GLB1: variants seen among roughly 807,000 people sequenced by gnomAD.
GLB1 encodes the protein beta-galactosidase.
GLB1 carries 56 observed loss-of-function variants against 74.0 expected under a neutral mutation model. That is an observed-to-expected ratio of 0.76 (90% CI 0.61 to 0.94). GLB1 has a LOEUF of 0.94. Among genes scored for constraint, GLB1 ranks in the 40% least tolerant of loss-of-function variants. The pLI is 0.00. For synonymous variants in GLB1, 323 were observed against 323.6 expected (o/e 1.00, Z 0.02); for missense variants, 787 against 845.5 (o/e 0.93, Z 0.86).
chr3:33,078,144 T>C (rs924605191), intron 1 of GLB1, among the ~76,000 whole-genome samples: 1 of 152,170 alleles, frequency 6.6e-6, no homozygotes, highest in African/African-American at 2.4e-5. Context: ...CTCAGGAGGC[T>C]GAGGCAGGAA....
At chr3:33,012,530 G>T (rs1335220716) in intron 15 of GLB1, among the ~76,000 whole-genome samples, 1 of 152,184 alleles carries the variant, frequency 6.6e-6, no homozygotes, top group Non-Finnish European at 1.5e-5. Context: ...ATCTACTGGT[G>T]CCCTGATATT....
the GLB1 span, among the ~76,000 whole-genome samples, chr3:32,971,879 A>G: frequency 3.9e-3 from 591 of 152,308 alleles, 6 homozygotes; most frequent in African/African-American, 0.013. Flanking sequence ...ACACGGGCAT[A>G]TCGGCAACTG....
At chr3:33,009,126 T>A (rs201643645) in intron 15 of GLB1, among the ~76,000 whole-genome samples, 9 of 122,354 alleles carry the variant, frequency 7.4e-5, no homozygotes, top group South Asian at 3.4e-4. Flanking sequence ...TCTTAAAAAA[T>A]AAATAAATAA....
At chr3:33,042,294 A>T (rs1390587127) in intron 10 of GLB1, among the ~76,000 whole-genome samples, 1 of 151,540 alleles carries the variant, frequency 6.6e-6, no homozygotes, top group Non-Finnish European at 1.5e-5. Context: ...TCAGAGTAAA[A>T]GCCAAAGTCT....
In GLB1 at chr3:33,051,908, G is replaced by A. The variant is rs1699009386; in HGVS notation, c.889C>T (p.Leu297Phe). 6.2e-7 allele frequency: 1 copy of A among 1,614,120 alleles called. No homozygotes were observed. The highest frequency in any genetic ancestry group is 8.5e-7 in the Non-Finnish European group (1 of 1,180,050). The change falls in exon 8 of 16, where the codon CTT (leucine) becomes TTT (phenylalanine). Residue 297 changes from leucine to phenylalanine, a missense_variant. By Grantham distance (22) the Leu-to-Phe change is conservative. Coordinates refer to ENST00000307363, the MANE Select transcript of GLB1 (RefSeq NM_000404.4). ...EAVASSLYDILARGASVNLYM... is the reference protein window; with the variant it reads ...EAVASSLYDIFARGASVNLYM... ...AAGTTCACACTCGCCCCACGGGCAA[G>A]TATATCATAGAGGGAGGAAGCCACT...
chr3:33,038,329 T>C (rs1277803307), intron 10 of GLB1, among the ~76,000 whole-genome samples: 3 of 152,238 alleles, frequency 2.0e-5, no homozygotes, highest in South Asian at 2.1e-4. Flanking sequence ...TGTGAAAGGT[T>C]TGCCCTGTGC....
chr3:33,074,365 G>A (rs147149489), intron 1 of GLB1, among the ~76,000 whole-genome samples: 231 of 10,042 alleles, frequency 0.023, 26 homozygotes, highest in African/African-American at 0.059. Context: ...AGGAAGGAAG[G>A]AAGGAAGGAA....
At chr3:32,982,105 G>C in the GLB1 span, among the ~76,000 whole-genome samples, 5 of 152,122 alleles carry the variant, frequency 3.3e-5, no homozygotes, top group East Asian at 9.7e-4. Flanking sequence ...ACTGAGGTTG[G>C]GAGTTTGAGA....
intron 15 of GLB1, among the ~76,000 whole-genome samples, chr3:33,006,558 A>G (rs980194063): frequency 3.9e-5 from 6 of 152,012 alleles, no homozygotes; most frequent in Non-Finnish European, 8.8e-5. Context: ...TATCTAATGG[A>G]CTTTCCAGTC....
chr3:32,989,716 C>A, the GLB1 span, among the ~76,000 whole-genome samples: 1 of 152,304 alleles, frequency 6.6e-6, no homozygotes, highest in African/African-American at 2.4e-5. Flanking sequence ...TTTCTCCTTG[C>A]AGCTCAATCA....
intron 10 of GLB1, among the ~76,000 whole-genome samples, chr3:33,036,790 C>T (rs1315517906): frequency 2.0e-5 from 3 of 151,992 alleles, no homozygotes; most frequent in Non-Finnish European, 4.4e-5. Context: ...TTTATGATGC[C>T]ACTTATATGA....
intron 9 of GLB1, 143 bp downstream of exon 9, chr3:33,051,615 A>AAAAAAAAAAAAG (rs764769471): frequency 4.4e-5 from 52 of 1,178,020 alleles, no homozygotes; most frequent in African/African-American, 3.0e-4. Flanking sequence ...AAAAAAAAAA[A>AAAAAAAAAAAAG]AAAAGAAAAA....
At chr3:33,016,606 C>T (rs1697244553) in intron 14 of GLB1, 103 bp downstream of exon 14, 1 of 1,584,278 alleles carries the variant, frequency 6.3e-7, no homozygotes, top group African/African-American at 1.3e-5. Context: ...CCTGCCTTGG[C>T]TTCCCAAAGT....
chr3:32,992,970 C>A (rs1392866130), downstream of GLB1, among the ~76,000 whole-genome samples: 1 of 152,236 alleles, frequency 6.6e-6, no homozygotes, highest in Non-Finnish European at 1.5e-5. Context: ...GCCCCACTGT[C>A]TGGACATCGG....
At chr3:33,031,631 AAAAAAAAAAATATATATATATATATAT>A (rs1356221003) in intron 10 of GLB1, among the ~76,000 whole-genome samples, 7 of 78,984 alleles carry the variant, frequency 8.9e-5, no homozygotes, top group African/African-American at 3.2e-4. Context: ...AAAAAAAAAA[AAAAAAAAAAATATATATATATATATAT>A]ATATATATAT....
At chr3:33,067,087 C>T (rs919639722) in intron 4 of GLB1, among the ~76,000 whole-genome samples, 17 of 150,822 alleles carry the variant, frequency 1.1e-4, no homozygotes, top group African/African-American at 4.1e-4. Context: ...ACTGCAACCT[C>T]TGCCTCCCAG....
At chr3:32,988,692 G>A in the GLB1 span, among the ~76,000 whole-genome samples, 2 of 152,214 alleles carry the variant, frequency 1.3e-5, no homozygotes, top group East Asian at 3.8e-4. Context: ...AGAGTTTGCA[G>A]TGAACTGAGA....
chr3:33,008,835 G>T (rs1053863027), intron 15 of GLB1, among the ~76,000 whole-genome samples: 6 of 152,142 alleles, frequency 3.9e-5, no homozygotes, highest in Non-Finnish European at 7.4e-5. Context: ...AAAAGATCGT[G>T]GTGGCCGGGC....
chr3:33,028,098 C>T (rs1477257775), intron 10 of GLB1, among the ~76,000 whole-genome samples: 1 of 152,040 alleles, frequency 6.6e-6, no homozygotes, highest in Non-Finnish European at 1.5e-5. Flanking sequence ...GAAATGGGGT[C>T]TCACTATGTT....
Sources: gnomAD v4.1 joint callset for allele counts (sites outside exome capture counted in the v4.1 genomes callset) on GRCh38, gnomAD v4.1.1 for gene constraint, MANE v1.5 for transcripts, NCBI Gene and HGNC (gene_info 2026-07-23, HGNC 2026-07-21) for gene names.